WDR59: variants seen among roughly 807,000 people sequenced by gnomAD.
The protein encoded by WDR59 is WD repeat domain 59, also known as GATOR2 complex protein WDR59.
WDR59 carries 100 observed loss-of-function variants against 131.2 expected under a neutral mutation model. The observed-to-expected ratio is 0.76, with a 90% CI of 0.65 to 0.90. The LOEUF (loss-of-function observed/expected upper bound fraction) is 0.90. Ranked by LOEUF, WDR59 falls within the 40% of genes least tolerant of loss-of-function variation. The probability of loss-of-function intolerance (pLI) is 0.00; values close to 1 mark genes in which losing one functional copy is unlikely to be tolerated. For missense variants in WDR59, 1,203 were observed against 1,262.2 expected (o/e 0.95, Z 0.71); for synonymous variants, 601 against 466.2 (o/e 1.29, Z -3.72).
chr16:74,871,717 G>A lies in WDR59; in HGVS notation c.*2492C>T, dbSNP rs1312349901. On this transcript the variant is annotated 3_prime_UTR_variant, in exon 26 of 26. Coordinates refer to ENST00000262144, the MANE Select transcript of WDR59 (RefSeq NM_030581.4). ...CTGCAAATGGTGTGATTTCACTGAG[G>A]AACACAACAGATCCTTTCTCTCTGT... 2 of 152,164 alleles carry A rather than the reference G, an allele frequency of 1.3e-5. No individual in the cohort carries two copies. Among genetic ancestry groups the A allele is most frequent in the East Asian group, 3.8e-4 (2 of 5,200 alleles). 9.4% of individuals were successfully genotyped at this position (152,164 alleles called of 1,614,324 possible). A position where few individuals can be genotyped will look rare whatever the true frequency, so the allele number is the denominator to read the frequency against.
Position 74,909,819 on chromosome 16 carries a change from C to A in WDR59, c.1485+3G>T. ...GTTGGTATGACAGTTTCATGCTTCC[C>A]ACCACAAAGGACTCAAGGCAGGAGA... On this transcript the variant is annotated splice_donor_region_variant and intron_variant, in intron 15 of 25. Transcript: ENST00000262144. 1 of 1,609,390 alleles carries A rather than the reference C, an allele frequency of 6.2e-7. No homozygotes were observed. Among genetic ancestry groups the A allele is most frequent in the Non-Finnish European group, 8.5e-7 (1 of 1,179,250 alleles).
chr16:74,949,420 G>A (rs1176036908), intron 5 of WDR59, among the ~76,000 whole-genome samples: 5 of 150,056 alleles, frequency 3.3e-5, no homozygotes, highest in Admixed American at 1.3e-4. Flanking sequence ...AAATGAGGGA[G>A]GAAAGGAGGG....
intron 21 of WDR59, among the ~76,000 whole-genome samples, chr16:74,889,332 A>C (rs1253806844): frequency 6.6e-6 from 1 of 152,132 alleles, no homozygotes; most frequent in Non-Finnish European, 1.5e-5. Flanking sequence ...CATGAACACC[A>C]ACATGCAATT....
At chr16:74,946,330 G>A (rs1052240975) in intron 6 of WDR59, among the ~76,000 whole-genome samples, 4 of 152,142 alleles carry the variant, frequency 2.6e-5, no homozygotes, top group South Asian at 2.1e-4. Context: ...AGAATGAGGG[G>A]GGATTACTGT....
At chr16:74,974,426 C>G (rs938449746) in intron 1 of WDR59, among the ~76,000 whole-genome samples, 1 of 152,060 alleles carries the variant, frequency 6.6e-6, no homozygotes, top group Non-Finnish European at 1.5e-5. Context: ...TTAACATATA[C>G]CGACCACTAC....
intron 18 of WDR59, chr16:74,899,626 G>T: frequency 8.3e-7 from 1 of 1,203,568 alleles, no homozygotes; most frequent in South Asian, 1.3e-5. Flanking sequence ...AGCCAGGCAG[G>T]TGGCATTTTA....
chr16:74,973,004 G>A (rs993422969), intron 1 of WDR59, among the ~76,000 whole-genome samples: 12 of 151,522 alleles, frequency 7.9e-5, no homozygotes, highest in African/African-American at 2.4e-4. Flanking sequence ...AGGCCGAGGC[G>A]GGCAGATCAC....
At chr16:74,974,042 CA>C (rs1232084041) in intron 1 of WDR59, among the ~76,000 whole-genome samples, 2 of 152,122 alleles carry the variant, frequency 1.3e-5, no homozygotes, top group African/African-American at 4.8e-5. Flanking sequence ...TGGTGGCAGG[CA>C]CCTGTAATCC....
chr16:74,961,387 G>A (rs1368752175), intron 2 of WDR59, among the ~76,000 whole-genome samples: 1 of 152,130 alleles, frequency 6.6e-6, no homozygotes, highest in African/African-American at 2.4e-5. Context: ...TTTCCACAAT[G>A]GTTGAACTAA....
intron 17 of WDR59, among the ~76,000 whole-genome samples, chr16:74,906,683 C>T (rs952198721): frequency 1.3e-5 from 2 of 152,214 alleles, no homozygotes; most frequent in Admixed American, 1.3e-4. Context: ...CCTGCTGACA[C>T]ATGCAGCAAT....
In WDR59 at chr16:74,888,216, G is replaced by A; in HGVS notation, c.2299C>T (p.Pro767Ser). The change falls in exon 22 of 26, where the codon CCT becomes TCT. Residue 767 changes from proline (P) to serine (S), a missense_variant. By Grantham distance (74) the Pro-to-Ser change is moderately conservative. Transcript: ENST00000262144. ...RPQGLPNPFG[P>S]FPNRSSNLVV... is the part of the protein sequence containing the mutation. ...AGATTAGAAGAACGGTTAGGAAAAG[G>A]CCCAAAGGGGTTTGGTAGCCCCTGA... 1 of 1,613,958 alleles carries A rather than the reference G, an allele frequency of 6.2e-7. No individual in the cohort carries two copies. The highest frequency in any genetic ancestry group is 8.5e-7 in the Non-Finnish European group (1 of 1,179,970).
In WDR59 at chr16:74,917,956, C is replaced by T; in HGVS notation, c.939G>A (p.Met313Ile). The T allele has an allele frequency of 1.2e-6, 2 of 1,614,080 alleles. No homozygotes were observed. The highest frequency in any genetic ancestry group is 1.1e-5 in the South Asian group (1 of 91,084). Residue 313 changes from methionine (M) to isoleucine (I), a missense_variant, in exon 11 of 26, where the codon ATG becomes ATA. Met to Ile is a conservative substitution (Grantham distance 10, BLOSUM62 1). Transcript: ENST00000262144. ...TCTGCATCTGGGAATCCACCCGCCA[C>T]ATTCTCAAGGTCTGATCCCGGGACC... is the stretch of plus-strand genomic sequence containing the variant. ...VTWSRDQTLR[M>I]WRVDSQMQRL...
rs1007158769 is a variant in WDR59, at chr16:74,940,863, G to A, written c.534+1875C>T. Among the ~76,000 whole-genome samples the A allele has an allele frequency of 2.5e-4, 38 of 151,838 alleles. 1 individual carries two copies. The highest frequency in any genetic ancestry group is 2.6e-4 in the Admixed American group (4 of 15,236). Reference sequence around the variant, plus strand: ...TGGGACTACAGGCGCCCGCCATCACGCCCAGCTAAATTTTGTATTTTTAGT... The same window carrying A: ...TGGGACTACAGGCGCCCGCCATCACACCCAGCTAAATTTTGTATTTTTAGT... On this transcript the variant is annotated intron_variant, in intron 7 of 25. Coordinates refer to ENST00000262144, the MANE Select transcript of WDR59 (RefSeq NM_030581.4).
intron 1 of WDR59, among the ~76,000 whole-genome samples, chr16:74,966,880 A>G (rs1453917266): frequency 6.6e-6 from 1 of 152,214 alleles, no homozygotes; most frequent in Non-Finnish European, 1.5e-5. Flanking sequence ...AATGAGTCCA[A>G]AGAATGTGCA....
At chr16:74,921,805 A>G (rs1567722493) in intron 10 of WDR59, 142 bp downstream of exon 10, 1 of 997,620 alleles carries the variant, frequency 1.0e-6, no homozygotes, top group Non-Finnish European at 1.4e-6. Context: ...CCTATGACGA[A>G]AGGTGGCAAC....
chr16:74,952,153 T>G (rs1183965615), intron 3 of WDR59, among the ~76,000 whole-genome samples: 1 of 151,366 alleles, frequency 6.6e-6, no homozygotes, highest in Non-Finnish European at 1.5e-5. Context: ...AAAACATAGG[T>G]GCATAAGAGA....
intron 8 of WDR59, among the ~76,000 whole-genome samples, chr16:74,931,177 C>T (rs913470265): frequency 1.3e-5 from 2 of 151,722 alleles, no homozygotes; most frequent in Non-Finnish European, 2.9e-5. Flanking sequence ...TCATGGAAAG[C>T]TTAATTAATT....
rs371080190 is a variant in WDR59 at position 74,963,701 on chromosome 16, G to A, written c.104+2072C>T. Among the ~76,000 whole-genome samples, 55 of 152,198 alleles carry A rather than the reference G, an allele frequency of 3.6e-4. 1 individual carries two copies. Among genetic ancestry groups the A allele is most frequent in the East Asian group, 1.4e-3 (7 of 5,184 alleles). ...ACCACCATAGCACACGTTTACCTAC[G>A]TAACAAACCGGCACATCCTGCACAT... On this transcript the variant is annotated intron_variant, in intron 2 of 25. Transcript: ENST00000262144.
At chr16:74,962,458 C>G (rs575598528) in intron 2 of WDR59, among the ~76,000 whole-genome samples, 2 of 152,232 alleles carry the variant, frequency 1.3e-5, no homozygotes, top group South Asian at 4.1e-4. Flanking sequence ...TCTCTGATTT[C>G]CTTGTACAGT....
Sources: allele counts gnomAD v4.1 joint callset (sites outside exome capture counted in the v4.1 genomes callset), GRCh38; gene constraint gnomAD v4.1.1; transcripts MANE v1.5; gene names NCBI Gene and HGNC (gene_info 2026-07-23, HGNC 2026-07-21).